The following CHRNB4 variants were observed in gnomAD, a reference collection of about 807,000 sequenced individuals.
CHRNB4 encodes neuronal acetylcholine receptor subunit beta-4.
CHRNB4 carries 23 observed loss-of-function variants against 40.4 expected under a neutral mutation model. The observed-to-expected ratio is 0.57, with a 90% CI of 0.41 to 0.81. The LOEUF (loss-of-function observed/expected upper bound fraction) is 0.81. Ranked by LOEUF, CHRNB4 falls within the 30% of genes least tolerant of loss-of-function variation. CHRNB4 has a pLI of 0.00. For missense variants in CHRNB4, 568 were observed against 670.6 expected, an observed-to-expected ratio of 0.85 and a Z score of 1.69; for synonymous variants, 285 against 274.4, an observed-to-expected ratio of 1.04 and a Z score of -0.38.
intron 5 of CHRNB4, chr15:78,655,438 ATATC>A (rs570030016): frequency 2.4e-3 from 343 of 145,686 alleles, no homozygotes; most frequent in African/African-American, 7.4e-3. Flanking sequence ...ATATCTATAT[ATATC>A]TATATCTATA....
In CHRNB4 at chr15:78,624,341, T is replaced by C. The variant is rs1159495110; in HGVS notation, c.*792A>G. ...TGTAGGGAGGCTGCTTTAGAATGATTGGGTGGTTAGGGAAGGCCTCTCAGA... is the reference window on the plus strand; with the variant it reads ...TGTAGGGAGGCTGCTTTAGAATGATCGGGTGGTTAGGGAAGGCCTCTCAGA... On this transcript the variant is annotated 3_prime_UTR_variant, in exon 6 of 6. Coordinates refer to ENST00000261751, the MANE Select transcript of CHRNB4 (RefSeq NM_000750.5). 6.6e-6 allele frequency: 1 copy of C among 152,240 alleles called. No homozygotes were observed. Among genetic ancestry groups the C allele is most frequent in the Non-Finnish European group, 1.5e-5 (1 of 68,352 alleles). The allele number at this position is 152,240 out of a possible 1,614,324, so 9.4% of individuals were successfully genotyped here.
chr15:78,652,537 CTGGGCTGG>C (rs2054181936), intron 6 of CHRNB4: 2 of 152,284 alleles, frequency 1.3e-5, no homozygotes, highest in Non-Finnish European at 2.9e-5. Flanking sequence ...GCCTCATCAT[CTGGGCTGG>C]TGGTATCTCA....
rs766519815 is a variant in CHRNB4 at position 78,625,064 on chromosome 15, A to G, written c.*69T>C. 10 of 1,610,738 alleles carry G rather than the reference A, an allele frequency of 6.2e-6. No individual in the cohort carries two copies. In the African/African-American group the frequency reaches 1.1e-4, roughly 17 times the overall value. On this transcript the variant is annotated 3_prime_UTR_variant, in exon 6 of 6. Coordinates refer to ENST00000261751, the MANE Select transcript of CHRNB4 (RefSeq NM_000750.5). ...TTTACTTAGGGCCTCATCAGCCACA[A>G]CCCAGAAAGAAGCAGCAAAGTGCCC...
At chr15:78,632,196 T>C (rs28544432) in intron 2 of CHRNB4, among the ~76,000 whole-genome samples, 2 of 86,654 alleles carry the variant, frequency 2.3e-5, no homozygotes, top group African/African-American at 1.8e-4. Context: ...TTTCTTTCTT[T>C]CTTTCTTTCT....
At chr15:78,634,336 T>A (rs981305239) in intron 2 of CHRNB4, among the ~76,000 whole-genome samples, 1 of 152,160 alleles carries the variant, frequency 6.6e-6, no homozygotes, top group Non-Finnish European at 1.5e-5. Context: ...GCAGCTGGGT[T>A]CAACTCATTA....
At chr15:78,648,712 C>T (rs1336813264) in intron 7 of CHRNB4, among the ~76,000 whole-genome samples, 5 of 149,258 alleles carry the variant, frequency 3.3e-5, no homozygotes, top group Non-Finnish European at 4.4e-5. Flanking sequence ...AAGATCGGCG[C>T]CACTGCACTC....
chr15:78,641,338 G>C (rs1216344171), upstream of CHRNB4: 1 of 492,134 alleles, frequency 2.0e-6, no homozygotes, highest in East Asian at 3.7e-5. Context: ...ACGCCCCCTG[G>C]GTGGTCTGGA....
chr15:78,630,158 GA>G (rs2053771113), intron 4 of CHRNB4, among the ~76,000 whole-genome samples: 1 of 97,698 alleles, frequency 1.0e-5, no homozygotes. Flanking sequence ...TTTTTTTTTT[GA>G]GACAGACTCT....
chr15:78,652,872 G>A (rs535835155), intron 5 of CHRNB4, among the ~76,000 whole-genome samples: 14 of 152,306 alleles, frequency 9.2e-5, no homozygotes, highest in South Asian at 2.1e-4. Flanking sequence ...AAATGATGGC[G>A]GCACTAGGGG....
At chr15:78,626,375 TGTGTGTGTG>T (rs765931521) in intron 5 of CHRNB4, 35,283 of 145,204 alleles carry the variant, frequency 0.24, 4,592 homozygotes, top group Non-Finnish European at 0.3. Flanking sequence ...TGTGTGTGTG[TGTGTGTGTG>T]TTTCCCCCTT....
intron 5 of CHRNB4, 85 bp downstream of exon 5, chr15:78,628,882 A>C (rs144651974): frequency 6.7e-7 from 1 of 1,495,068 alleles, no homozygotes; most frequent in African/African-American, 1.4e-5. Context: ...GTCTCCTATG[A>C]ATTAACTGCA....
intron 7 of CHRNB4, among the ~76,000 whole-genome samples, chr15:78,649,199 A>G (rs2054151462): frequency 6.6e-6 from 1 of 151,786 alleles, no homozygotes; most frequent in Admixed American, 6.6e-5. Context: ...AGAAATTGAT[A>G]ATGTATTGTA....
rs373299350 is a variant in CHRNB4, at chr15:78,631,149, G to T, written c.286C>A (p.Arg96Ser). The stretch of plus-strand genomic sequence containing the variant: ...CTCAGGATGTTCACACCCTCGTAGC[G>T]GGAGCTGTTCCAGGTCAGGCGGTAA... The part of the protein sequence containing the change: ...TDYRLTWNSS[R>S]YEGVNILRIP... The change falls in exon 4 of 6, where the codon CGC (arginine) becomes AGC (serine). Residue 96 changes from arginine (R) to serine (S), a missense_variant. By Grantham distance (110) the Arg-to-Ser change is moderately radical (BLOSUM62 -1). Around this residue, in one of 4 missense-constraint regions of CHRNB4, gnomAD observed 161 missense variants for 148.1 expected, o/e 1.09. Transcript: ENST00000261751. 3.1e-6 allele frequency: 5 copies of T among 1,614,244 alleles called. No homozygotes were observed. Among genetic ancestry groups the T allele is most frequent in the Non-Finnish European group, 4.2e-6 (5 of 1,180,038 alleles).
chr15:78,639,253 C>T (rs2054021141), intron 1 of CHRNB4, among the ~76,000 whole-genome samples: 1 of 152,160 alleles, frequency 6.6e-6, no homozygotes, highest in Admixed American at 6.5e-5. Context: ...GGTGTATGTC[C>T]TTAACTGAGG....
chr15:78,632,180 T>TC (rs1364997094), intron 2 of CHRNB4, among the ~76,000 whole-genome samples: 49 of 13,510 alleles, frequency 3.6e-3, no homozygotes, highest in African/African-American at 0.013. Context: ...TCTCTTTCTT[T>TC]CTTTCTTTCT....
At chr15:78,647,563 T>G (rs1338656757) in intron 7 of CHRNB4, among the ~76,000 whole-genome samples, 1 of 151,668 alleles carries the variant, frequency 6.6e-6, no homozygotes, top group Admixed American at 6.6e-5. Context: ...AGAAAGAGAT[T>G]CAGCCGGGTG....
intron 6 of CHRNB4, among the ~76,000 whole-genome samples, chr15:78,649,802 TG>T (rs1323601291): frequency 1.3e-5 from 2 of 151,372 alleles, no homozygotes; most frequent in African/African-American, 2.4e-5. Context: ...CCTCTGGGGA[TG>T]GGAAGAAAAA....
At chr15:78,645,176 CCAGA>C (rs2054113212), upstream of CHRNB4, among the ~76,000 whole-genome samples, 1 of 152,224 alleles carries the variant, frequency 6.6e-6, no homozygotes, top group Non-Finnish European at 1.5e-5. Flanking sequence ...GGGCCATGAA[CCAGA>C]CAACCAGGGA....
chr15:78,658,028 CTTTTTTT>C (rs71448810), intron 2 of CHRNB4, among the ~76,000 whole-genome samples: 86 of 90,550 alleles, frequency 9.5e-4, no homozygotes, highest in African/African-American at 3.5e-3. Flanking sequence ...TCTTGTTTCT[CTTTTTTT>C]TTTTTTTTTT....
Sources: allele counts gnomAD v4.1 joint callset (sites outside exome capture counted in the v4.1 genomes callset), GRCh38; gene constraint gnomAD v4.1.1; regional missense constraint gnomAD v4.1.1; transcripts MANE v1.5; gene names NCBI Gene and HGNC (gene_info 2026-07-23, HGNC 2026-07-21).